Variants in ADGRL2 observed in about 807,000 individuals in gnomAD.
ADGRL2 encodes adhesion G protein-coupled receptor L2.
ADGRL2 carries 44 observed loss-of-function variants against 157.4 expected under a neutral mutation model. The observed-to-expected ratio is 0.28, with a 90% confidence interval of 0.22 to 0.36. The LOEUF (loss-of-function observed/expected upper bound fraction) is 0.36, where lower values mean the gene tolerates loss of function less well. Ranked by LOEUF, ADGRL2 falls within the 10% of genes least tolerant of loss-of-function variation. ADGRL2 has a pLI of 1.00. For missense variants in ADGRL2, 1,510 were observed against 1,768.9 expected, an observed-to-expected ratio of 0.85 and a Z score of 2.63; for synonymous variants, 585 against 624.7, an observed-to-expected ratio of 0.94 and a Z score of 0.95.
At chr1:81,601,880 A>G (rs181469652) in intron 3 of ADGRL2, among the ~76,000 whole-genome samples, 1 of 152,330 alleles carries the variant, frequency 6.6e-6, no homozygotes, top group East Asian at 1.9e-4. Flanking sequence ...AGAAAAGTAT[A>G]TATAGGGAGA....
chr1:81,596,430 C>A, intron 3 of ADGRL2: 4 of 463,804 alleles, frequency 8.6e-6, no homozygotes, highest in South Asian at 1.7e-5. Context: ...TACATTGCAG[C>A]TCGTTAGAGT....
intron 2 of ADGRL2, among the ~76,000 whole-genome samples, chr1:81,896,991 T>A (rs1172580272): frequency 6.6e-6 from 1 of 152,216 alleles, no homozygotes; most frequent in Non-Finnish European, 1.5e-5. Flanking sequence ...TCATCCCCCA[T>A]GTTTGTTACT....
At chr1:81,572,134 A>G (rs1370261141) in intron 2 of ADGRL2, among the ~76,000 whole-genome samples, 1 of 152,228 alleles carries the variant, frequency 6.6e-6, no homozygotes, top group East Asian at 1.9e-4. Context: ...ACAATAGAGT[A>G]ATTGGTGAGG....
At chr1:81,534,684 G>T (rs1293597580) in intron 2 of ADGRL2, among the ~76,000 whole-genome samples, 2 of 152,106 alleles carry the variant, frequency 1.3e-5, no homozygotes, top group African/African-American at 4.8e-5. Flanking sequence ...GCCTAGCAAG[G>T]TTTTCTGATT....
chr1:81,993,741 T>C lies in ADGRL2; in HGVS notation c.*2596T>C, dbSNP rs1664980951. On this transcript the variant is annotated 3_prime_UTR_variant, in exon 24 of 24. Transcript: ENST00000686636. ...TTTAATGCAGATGCGTTATTGTATT[T>C]ATTAACCCAGTTTCTTTGGGTCTGC... is the stretch of plus-strand genomic sequence containing the variant. Among the ~76,000 whole-genome samples the C allele has an allele frequency of 1.3e-5, 2 of 152,224 alleles. No homozygotes were observed. The highest frequency in any genetic ancestry group is 2.9e-5 in the Non-Finnish European group (2 of 68,044).
chr1:81,450,544 G>T (rs1188349224), intron 2 of ADGRL2, among the ~76,000 whole-genome samples: 1 of 152,088 alleles, frequency 6.6e-6, no homozygotes, highest in Non-Finnish European at 1.5e-5. Flanking sequence ...CGAAGGCTGT[G>T]CTCTTTCCAT....
intron 1 of ADGRL2, among the ~76,000 whole-genome samples, chr1:81,334,139 A>T (rs898930618): frequency 1.3e-5 from 2 of 152,230 alleles, no homozygotes; most frequent in African/African-American, 4.8e-5. Flanking sequence ...TTAGAATAGC[A>T]TAATGGTTAA....
At chr1:81,897,019 G>A (rs2094402112) in intron 2 of ADGRL2, among the ~76,000 whole-genome samples, 2 of 152,146 alleles carry the variant, frequency 1.3e-5, no homozygotes, top group Admixed American at 1.3e-4. Flanking sequence ...AGGGATTATT[G>A]TATTTTTGTT....
chr1:81,924,483 A>G (rs1228649286), intron 3 of ADGRL2, among the ~76,000 whole-genome samples: 1 of 152,160 alleles, frequency 6.6e-6, no homozygotes, highest in Non-Finnish European at 1.5e-5. Context: ...AGAGACGAGT[A>G]CTGAGCCATG....
intron 2 of ADGRL2, among the ~76,000 whole-genome samples, chr1:81,538,640 T>G (rs1342422609): frequency 2.6e-5 from 4 of 152,134 alleles, no homozygotes; most frequent in South Asian, 2.1e-4. Context: ...GTTATGTCGA[T>G]GACTCATTAT....
chr1:81,464,699 G>A (rs751564684), intron 2 of ADGRL2, among the ~76,000 whole-genome samples: 2 of 152,052 alleles, frequency 1.3e-5, no homozygotes, highest in South Asian at 2.1e-4. Context: ...AGTCTATAAG[G>A]CATTTTGTAT....
chr1:81,987,056 C>A, intron 22 of ADGRL2, 27 bp downstream of exon 22: 1 of 1,606,404 alleles, frequency 6.2e-7, no homozygotes, highest in Non-Finnish European at 8.5e-7. Context: ...AATAAAACTA[C>A]CTTTCTTTGC....
chr1:81,819,201 A>G (rs1022546481), intron 1 of ADGRL2, among the ~76,000 whole-genome samples: 2 of 152,148 alleles, frequency 1.3e-5, no homozygotes, highest in Non-Finnish European at 2.9e-5. Flanking sequence ...CCTTGGTGAG[A>G]GGCAATGGCA....
At chr1:81,722,576 G>T in intron 1 of ADGRL2, 3 of 1,475,794 alleles carry the variant, frequency 2.0e-6, no homozygotes, top group South Asian at 2.3e-5. Flanking sequence ...GCACACAGAC[G>T]CCTAGGCCAC....
At chr1:81,497,196 G>A (rs1269379363) in intron 2 of ADGRL2, among the ~76,000 whole-genome samples, 1 of 152,156 alleles carries the variant, frequency 6.6e-6, no homozygotes, top group African/African-American at 2.4e-5. Flanking sequence ...TGCTCCAAAT[G>A]TGTCAACAAA....
intron 3 of ADGRL2, among the ~76,000 whole-genome samples, chr1:81,659,217 A>G (rs1392060232): frequency 6.6e-6 from 1 of 151,652 alleles, no homozygotes; most frequent in Non-Finnish European, 1.5e-5. Flanking sequence ...ATGCACCATC[A>G]CGGCCGGCTG....
chr1:81,887,162 G>A (rs1249732761), intron 2 of ADGRL2, among the ~76,000 whole-genome samples: 1 of 152,166 alleles, frequency 6.6e-6, no homozygotes, highest in Non-Finnish European at 1.5e-5. Context: ...AGCTTTGAGT[G>A]TCACTTGAAG....
chr1:81,860,408 CTCTGGTGA>C (rs1347095266), intron 2 of ADGRL2, among the ~76,000 whole-genome samples: 1 of 152,000 alleles, frequency 6.6e-6, no homozygotes, highest in Admixed American at 6.6e-5. Context: ...AATTCCTGGC[CTCTGGTGA>C]TCCTCCTGCC....
intron 1 of ADGRL2, among the ~76,000 whole-genome samples, chr1:81,424,312 C>G (rs766120062): frequency 6.6e-6 from 1 of 152,228 alleles, no homozygotes; most frequent in Non-Finnish European, 1.5e-5. Context: ...GCACAGCCGT[C>G]AGACACAGAG....
Sources: allele counts gnomAD v4.1 joint callset (sites outside exome capture counted in the v4.1 genomes callset), GRCh38; gene constraint gnomAD v4.1.1; transcripts MANE v1.5; gene names NCBI Gene and HGNC (gene_info 2026-07-23, HGNC 2026-07-21).